CCDC181: variants seen among roughly 807,000 people sequenced by gnomAD.
CCDC181 encodes the protein coiled-coil domain containing 181, also known as coiled-coil domain-containing protein 181.
A neutral mutation model predicts 58.7 loss-of-function variants in CCDC181; 35 were observed. The observed-to-expected ratio is 0.60, with a 90% CI of 0.46 to 0.79. CCDC181 has a LOEUF of 0.79. Ranked by LOEUF, CCDC181 falls within the 30% of genes least tolerant of loss-of-function variation. The pLI, the probability that CCDC181 is intolerant of heterozygous loss-of-function variation, is 0.00. For synonymous variants in CCDC181, 183 were observed against 197.5 expected (o/e 0.93, Z 0.62); for missense variants, 517 against 583.9 (o/e 0.89, Z 1.18).
chr1:169,439,916 C>CCTTCTCTTCT (rs533483069), intron 2 of CCDC181, among the ~76,000 whole-genome samples: 1 of 152,036 alleles, frequency 6.6e-6, no homozygotes, highest in Admixed American at 6.5e-5. Flanking sequence ...TTCAGATGCT[C>CCTTCTCTTCT]CTTCTCTTCT....
upstream of CCDC181, among the ~76,000 whole-genome samples, chr1:169,429,537 C>T (rs1814014): frequency 0.54 from 81,301 of 151,948 alleles, 22,594 homozygotes; most frequent in Non-Finnish European, 0.6. Context: ...TTTTGATTTG[C>T]ATTTCCCTGA....
At chr1:169,440,931 T>TAAAAA (rs72040890) in intron 2 of CCDC181, among the ~76,000 whole-genome samples, 2 of 76,904 alleles carry the variant, frequency 2.6e-5, no homozygotes, top group African/African-American at 5.3e-5. Context: ...CAAGACTGTC[T>TAAAAA]AAAAAAAAAA....
chr1:169,407,540 GA>G (rs758468919), intron 4 of CCDC181, among the ~76,000 whole-genome samples: 48 of 152,232 alleles, frequency 3.2e-4, no homozygotes, highest in Non-Finnish European at 5.0e-4. Context: ...TTATAAGGCA[GA>G]AAAGGATGAG....
intron 4 of CCDC181, among the ~76,000 whole-genome samples, chr1:169,401,216 C>G (rs1655327551): frequency 6.6e-6 from 1 of 152,246 alleles, no homozygotes; most frequent in Non-Finnish European, 1.5e-5. Flanking sequence ...GACTCTACCT[C>G]TGGGGGCAAG....
upstream of CCDC181, among the ~76,000 whole-genome samples, chr1:169,430,240 G>C (rs1026307530): frequency 6.6e-6 from 1 of 152,094 alleles, no homozygotes; most frequent in Non-Finnish European, 1.5e-5. Context: ...CTCCAGATTT[G>C]TTCTTCTTGC....
intron 2 of CCDC181, among the ~76,000 whole-genome samples, chr1:169,450,405 CA>C (rs1657503394): frequency 6.6e-6 from 1 of 152,156 alleles, no homozygotes; most frequent in African/African-American, 2.4e-5. Context: ...TGGAAACCAC[CA>C]TCCTGCCTCC....
chr1:169,418,063 G>A (rs1486252057), intron 4 of CCDC181, among the ~76,000 whole-genome samples: 1 of 152,126 alleles, frequency 6.6e-6, no homozygotes, highest in Admixed American at 6.5e-5. Context: ...ACTGTTGGAG[G>A]AACTATAAAT....
intron 2 of CCDC181, among the ~76,000 whole-genome samples, chr1:169,447,234 T>A (rs888587845): frequency 3.3e-5 from 5 of 152,112 alleles, no homozygotes; most frequent in Non-Finnish European, 7.4e-5. Context: ...TGCCTTAGCC[T>A]CCCGAGTAGC....
chr1:169,407,626 A>T (rs1655735512), intron 4 of CCDC181, among the ~76,000 whole-genome samples: 1 of 152,212 alleles, frequency 6.6e-6, no homozygotes, highest in Non-Finnish European at 1.5e-5. Context: ...AATTAAATAC[A>T]GGGGTGGCTG....
intron 2 of CCDC181, among the ~76,000 whole-genome samples, chr1:169,434,444 A>T (rs183053552): frequency 2.6e-5 from 4 of 151,986 alleles, no homozygotes; most frequent in Admixed American, 6.6e-5. Flanking sequence ...TATACCCAAA[A>T]TAATCACAAG....
chr1:169,405,310 A>C (rs1202885052), intron 4 of CCDC181, among the ~76,000 whole-genome samples: 5 of 152,362 alleles, frequency 3.3e-5, no homozygotes, highest in African/African-American at 2.4e-5. Context: ...AAACTACTTT[A>C]AAGTTCATAT....
chr1:169,405,934 CA>C (rs1270632660), intron 4 of CCDC181, among the ~76,000 whole-genome samples: 1 of 83,270 alleles, frequency 1.2e-5, no homozygotes, highest in African/African-American at 4.1e-5. Context: ...CCAGAATTTA[CA>C]AAGAGCTTAA....
chr1:169,445,223 G>C (rs575404601), intron 2 of CCDC181, among the ~76,000 whole-genome samples: 4 of 152,158 alleles, frequency 2.6e-5, no homozygotes, highest in African/African-American at 9.6e-5. Flanking sequence ...CTGATCTTAG[G>C]GGGGACAAAA....
At chr1:169,449,938 A>G (rs763804452) in intron 2 of CCDC181, among the ~76,000 whole-genome samples, 1 of 152,200 alleles carries the variant, frequency 6.6e-6, no homozygotes, top group Non-Finnish European at 1.5e-5. Flanking sequence ...AATATTAACT[A>G]TCACACTTCC....
intron 4 of CCDC181, among the ~76,000 whole-genome samples, chr1:169,418,583 C>T (rs1372818908): frequency 1.3e-5 from 2 of 149,564 alleles, no homozygotes; most frequent in Non-Finnish European, 3.0e-5. Flanking sequence ...TTTAAATTTT[C>T]TCTATTTTCT....
In CCDC181 at chr1:169,394,993, A is replaced by C; in HGVS notation, c.*54T>G. The C allele has an allele frequency of 6.8e-7, 1 of 1,478,580 alleles. No individual in the cohort carries two copies. Among genetic ancestry groups the C allele is most frequent in the African/African-American group, 1.4e-5 (1 of 70,802 alleles). 91.6% of individuals were successfully genotyped at this position (1,478,580 alleles called of 1,614,324 possible). ...AACCAAAGTACACAGACCCTAAGAA[A>C]TCATATCCAAAATTTTGATAGCAGC... On this transcript the variant is annotated 3_prime_UTR_variant, in exon 6 of 6. Transcript: ENST00000367806.
chr1:169,445,719 C>T (rs143424736), intron 2 of CCDC181, among the ~76,000 whole-genome samples: 55 of 152,236 alleles, frequency 3.6e-4, no homozygotes, highest in African/African-American at 1.3e-3. Flanking sequence ...TCATTTCTTG[C>T]TTAAATATTT....
rs1226003386 is a variant in CCDC181, at chr1:169,395,103, G to A, written c.1474C>T (p.His492Tyr). ...LEAKRSKQLQ[H>Y]HLYMSEAKPF... ...TTGGCTTCTGACATATATAGGTGGTGCTGTAACTGTTTAGAACGCTTAGCT... is the reference window on the plus strand; with the variant it reads ...TTGGCTTCTGACATATATAGGTGGTACTGTAACTGTTTAGAACGCTTAGCT... Residue 492 changes from histidine (H) to tyrosine (Y), a missense_variant, in exon 6 of 6, where the codon CAC becomes TAC. Physicochemically the swap from His to Tyr is moderately conservative, Grantham distance 83 (BLOSUM62 2). Transcript: ENST00000367806. The A allele has an allele frequency of 1.9e-6, 3 of 1,613,440 alleles. No individual in the cohort carries two copies. Among genetic ancestry groups the A allele is most frequent in the Non-Finnish European group, 2.5e-6 (3 of 1,179,778 alleles).
intron 2 of CCDC181, among the ~76,000 whole-genome samples, chr1:169,455,512 T>C (rs1234376659): frequency 1.3e-5 from 2 of 152,152 alleles, no homozygotes; most frequent in African/African-American, 2.4e-5. Flanking sequence ...AATTCTGATA[T>C]ATGGAGAGCC....
Sources: allele counts gnomAD v4.1 joint callset (sites outside exome capture counted in the v4.1 genomes callset), GRCh38; gene constraint gnomAD v4.1.1; transcripts MANE v1.5; gene names NCBI Gene and HGNC (gene_info 2026-07-23, HGNC 2026-07-21).